Variants in MMP26 observed in about 807,000 individuals in gnomAD.
The protein encoded by MMP26 is matrix metalloproteinase-26.
In MMP26, 33 loss-of-function variants were observed where a neutral mutation model predicts 31.0. The ratio of observed to expected loss-of-function variants is 1.06; its 90% confidence interval spans 0.81 to 1.42. MMP26 has a LOEUF of 1.42. Among genes scored for constraint, MMP26 ranks in the 40% most tolerant of loss-of-function variants. The pLI is 0.00. For missense variants in MMP26, 347 were observed against 316.1 expected (o/e 1.10, Z -0.74); for synonymous variants, 122 against 114.9 (o/e 1.06, Z -0.40).
chr11:4,991,831 CT>C, intron 6 of MMP26, 132 bp from the exon 7 acceptor site: 3 of 834,852 alleles, frequency 3.6e-6, no homozygotes, highest in Non-Finnish European at 5.3e-6. Context: ...CCTTGCCTAC[CT>C]TTTCCTTTAC....
At chr11:4,933,534 TTTTTG>T (rs1282205042) in intron 2 of MMP26, among the ~76,000 whole-genome samples, 9 of 140,416 alleles carry the variant, frequency 6.4e-5, no homozygotes, top group Admixed American at 1.5e-4. Context: ...TTTGTTTTTT[TTTTTG>T]TTTGTTTTTG....
At chr11:4,914,672 A>G (rs1851045613) in intron 2 of MMP26, 1 of 1,349,150 alleles carries the variant, frequency 7.4e-7, no homozygotes, top group East Asian at 2.4e-5. Context: ...AAGGATAGGC[A>G]AACAAGGGCA....
At chr11:4,979,745 T>C (rs1846787329) in intron 2 of MMP26, among the ~76,000 whole-genome samples, 1 of 152,084 alleles carries the variant, frequency 6.6e-6, no homozygotes, top group African/African-American at 2.4e-5. Context: ...CTGCTGGAAG[T>C]TCAACCAACT....
chr11:4,825,130 G>T (rs1421371529), intron 2 of MMP26, among the ~76,000 whole-genome samples: 1 of 152,102 alleles, frequency 6.6e-6, no homozygotes, highest in African/African-American at 2.4e-5. Flanking sequence ...TCACACTCAG[G>T]TTTGGTTTGT....
At chr11:4,892,094 C>G (rs547806734) in intron 2 of MMP26, among the ~76,000 whole-genome samples, 5 of 152,158 alleles carry the variant, frequency 3.3e-5, no homozygotes, top group African/African-American at 1.2e-4. Flanking sequence ...GGCTAGGGCA[C>G]TGTAAAAGAA....
At chr11:4,940,872 G>A (rs1042226445) in intron 2 of MMP26, among the ~76,000 whole-genome samples, 1 of 152,076 alleles carries the variant, frequency 6.6e-6, no homozygotes, top group Non-Finnish European at 1.5e-5. Context: ...AGTTGTTTTA[G>A]CGTCCCAAGT....
intron 1 of MMP26, among the ~76,000 whole-genome samples, chr11:4,740,681 C>CAA (rs761691284): frequency 1.5e-3 from 135 of 90,446 alleles, no homozygotes; most frequent in African/African-American, 4.3e-3. Flanking sequence ...GAGACTCTGT[C>CAA]AAAAAAAAAA....
At chr11:4,732,541 C>CAA (rs56079183) in intron 1 of MMP26, among the ~76,000 whole-genome samples, 35 of 94,554 alleles carry the variant, frequency 3.7e-4, no homozygotes, top group African/African-American at 8.2e-4. Context: ...AGACTCGTCT[C>CAA]AAAAAAAAAA....
At chr11:4,836,045 A>T (rs1849715134) in intron 2 of MMP26, among the ~76,000 whole-genome samples, 1 of 152,096 alleles carries the variant, frequency 6.6e-6, no homozygotes, top group African/African-American at 2.4e-5. Context: ...AAAAACTGTT[A>T]ATGAAACACT....
intron 2 of MMP26, among the ~76,000 whole-genome samples, chr11:4,868,270 C>A (rs1215505334): frequency 6.6e-6 from 1 of 152,038 alleles, no homozygotes; most frequent in Non-Finnish European, 1.5e-5. Flanking sequence ...AAAAGTGGAA[C>A]TCAAATTGTC....
intron 2 of MMP26, among the ~76,000 whole-genome samples, chr11:4,854,521 G>A (rs751076010): frequency 6.6e-6 from 1 of 152,190 alleles, no homozygotes; most frequent in Non-Finnish European, 1.5e-5. Context: ...GGGGAGGGGC[G>A]TCTGACATTG....
intron 2 of MMP26, among the ~76,000 whole-genome samples, chr11:4,894,506 G>A (rs1850673300): frequency 6.6e-6 from 1 of 152,068 alleles, no homozygotes; most frequent in Non-Finnish European, 1.5e-5. Context: ...CCGAAGCCTT[G>A]GTCTTTATTA....
chr11:4,989,730 T>A lies in MMP26; in HGVS notation c.182T>A (p.Phe61Tyr). The A allele has an allele frequency of 6.2e-7, 1 of 1,613,912 alleles. No homozygotes were observed. Among genetic ancestry groups the A allele is most frequent in the Non-Finnish European group, 8.5e-7 (1 of 1,179,984 alleles). Residue 61 changes from phenylalanine to tyrosine, a missense_variant, in exon 4 of 8, where the codon TTC becomes TAC. Phe to Tyr is a conservative substitution (Grantham distance 22). Coordinates refer to ENST00000380390, the MANE Select transcript of MMP26 (RefSeq NM_021801.5). Reference sequence around the variant, plus strand: ...ACACAAACACAGCTCCTGCAACAATTCCATCGGAATGGGACAGACCTACTT... The same window carrying A: ...ACACAAACACAGCTCCTGCAACAATACCATCGGAATGGGACAGACCTACTT... ...QETQTQLLQQ[F>Y]HRNGTDLLDM...
intron 2 of MMP26, among the ~76,000 whole-genome samples, chr11:4,960,610 A>G (rs1193619724): frequency 2.0e-5 from 3 of 151,958 alleles, no homozygotes; most frequent in Non-Finnish European, 2.9e-5. Flanking sequence ...GGATCTGATC[A>G]TAATCCTGAA....
chr11:4,761,895 A>G (rs1331475311), intron 1 of MMP26, among the ~76,000 whole-genome samples: 1 of 152,186 alleles, frequency 6.6e-6, no homozygotes, highest in Admixed American at 6.5e-5. Flanking sequence ...GCTGCAATAT[A>G]GAATGATCAA....
rs142367826 is a variant in MMP26 at position 4,880,190 on chromosome 11, G to A, written c.-144-107878G>A. Among the ~76,000 whole-genome samples, 784 of 152,154 alleles carry A rather than the reference G, an allele frequency of 5.2e-3. 8 individuals are homozygous for A. Among genetic ancestry groups the A allele is most frequent in the African/African-American group, 0.016 (675 of 41,508 alleles). On this transcript the variant is annotated intron_variant, in intron 2 of 7. Transcript: ENST00000380390. ...CCCCATTGCCTGGGGACTCTACTAG[G>A]CTGCCTATAAAGCCCTCGCTTTTGG...
intron 2 of MMP26, chr11:4,907,655 GC>G: frequency 6.2e-7 from 1 of 1,613,988 alleles, no homozygotes; most frequent in Non-Finnish European, 8.5e-7. Flanking sequence ...TTCACCTAAT[GC>G]CTGCTTTGCT....
At chr11:4,885,172 G>T (rs1271922072) in intron 2 of MMP26, among the ~76,000 whole-genome samples, 1 of 151,892 alleles carries the variant, frequency 6.6e-6, no homozygotes, top group Admixed American at 6.6e-5. Context: ...TTTGTGTTTT[G>T]TTATTTTATG....
chr11:4,811,968 C>G (rs562995192), intron 2 of MMP26, among the ~76,000 whole-genome samples: 41 of 152,282 alleles, frequency 2.7e-4, no homozygotes, highest in Middle Eastern at 3.4e-3. Flanking sequence ...ACTGAGGACT[C>G]TAAATGTGGC....
Sources: allele counts gnomAD v4.1 joint callset (sites outside exome capture counted in the v4.1 genomes callset), GRCh38; gene constraint gnomAD v4.1.1; transcripts MANE v1.5; gene names NCBI Gene and HGNC (gene_info 2026-07-23, HGNC 2026-07-21).